The following SVOPL variants were observed in gnomAD, a reference collection of about 807,000 sequenced individuals.
SVOPL encodes the protein SVOP like, also known as putative transporter SVOPL.
In SVOPL, 60 loss-of-function variants were observed where a neutral mutation model predicts 61.0. The observed-to-expected ratio is 0.98, with a 90% CI of 0.80 to 1.22. The LOEUF (loss-of-function observed/expected upper bound fraction) is 1.22, where lower values mean the gene tolerates loss of function less well. SVOPL is among the 50% of genes most tolerant of loss of function. SVOPL has a pLI of 0.00. For synonymous variants in SVOPL, 279 were observed against 250.0 expected, an observed-to-expected ratio of 1.12 and a Z score of -1.09; for missense variants, 662 against 643.9, an observed-to-expected ratio of 1.03 and a Z score of -0.30.
intron 5 of SVOPL, 99 bp from the exon 6 acceptor site, chr7:138,660,087 T>G (rs1460555102): frequency 1.3e-6 from 2 of 1,503,942 alleles, no homozygotes; most frequent in African/African-American, 2.8e-5. Context: ...ATCCTGATAG[T>G]TGCTTCTCTG....
intron 2 of SVOPL, 109 bp from the exon 3 acceptor site, chr7:138,678,634 G>T: frequency 9.4e-7 from 1 of 1,068,490 alleles, no homozygotes; most frequent in South Asian, 1.6e-5. Context: ...AGTTAATACG[G>T]GGGGTCAGTG....
rs535784668 is a variant in SVOPL, at chr7:138,653,963, A to G, written c.534+2485T>C. ...AAAAAAAAAAAGAAAAGAAAAGAAA[A>G]GAAAAGAAAAAATACAAAAGTTAGC... On this transcript the variant is annotated intron_variant, in intron 7 of 15. Transcript: ENST00000674285. 7.3e-4 allele frequency among the ~76,000 whole-genome samples: 110 copies of G among 151,094 alleles called. 1 individual carries two copies. The highest frequency in any genetic ancestry group is 1.3e-3 in the Non-Finnish European group (86 of 67,682).
At chr7:138,608,265 A>T (rs1479673057) in intron 14 of SVOPL, among the ~76,000 whole-genome samples, 1 of 152,220 alleles carries the variant, frequency 6.6e-6, no homozygotes, top group Non-Finnish European at 1.5e-5. Context: ...TTACTAAGTG[A>T]TTCTGAAAAA....
chr7:138,641,356 T>C (rs1051421310), intron 9 of SVOPL, among the ~76,000 whole-genome samples: 3 of 151,606 alleles, frequency 2.0e-5, no homozygotes, highest in African/African-American at 7.3e-5. Context: ...CAAAAATCAA[T>C]CATATGCTAG....
intron 6 of SVOPL, 35 bp from the exon 7 acceptor site, chr7:138,656,546 T>C: frequency 1.9e-6 from 3 of 1,605,254 alleles, no homozygotes; most frequent in Non-Finnish European, 2.6e-6. Flanking sequence ...TAATTTTGTT[T>C]TAAAAAACTA....
chr7:138,616,152 A>G (rs1017976713), intron 14 of SVOPL, among the ~76,000 whole-genome samples: 8 of 152,168 alleles, frequency 5.3e-5, no homozygotes, highest in African/African-American at 1.9e-4. Context: ...ACTATGAGAA[A>G]TAAGTTTCTG....
At chr7:138,615,401 C>CA (rs1415585191) in intron 14 of SVOPL, among the ~76,000 whole-genome samples, 1 of 151,818 alleles carries the variant, frequency 6.6e-6, no homozygotes, top group Non-Finnish European at 1.5e-5. Context: ...ACTAAAAATA[C>CA]AAAAAATTAG....
Position 138,661,471 on chromosome 7 carries a change from G to A in SVOPL, c.346-1483C>T, listed in dbSNP as rs189814228. The A allele has an allele frequency of 3.8e-4, 372 of 981,562 alleles. 7 individuals are homozygous for A. The East Asian group carries it at 0.028, about 73-fold the overall frequency. The allele number at this position is 981,562 out of a possible 1,614,324, so 60.8% of individuals were successfully genotyped here. On this transcript the variant is annotated intron_variant, in intron 5 of 15. Coordinates refer to ENST00000674285, the MANE Select transcript of SVOPL (RefSeq NM_001139456.2). ...ATCAGGTCCAGAGACACAGGAGCAT[G>A]CGACTCCGGTCACATTCCCGCACCC...
intron 9 of SVOPL, among the ~76,000 whole-genome samples, chr7:138,644,197 C>CA (rs71179714): frequency 0.057 from 2,876 of 50,336 alleles, 409 homozygotes; most frequent in Admixed American, 0.093. Flanking sequence ...AAGACTCCAT[C>CA]AAAAAAAAAA....
chr7:138,691,913 T>G (rs296915), intron 1 of SVOPL, among the ~76,000 whole-genome samples: 79,544 of 151,474 alleles, frequency 0.53, 22,807 homozygotes, highest in African/African-American at 0.76. Context: ...TGCCTCCCAG[T>G]TTCCAGGGAT....
rs1802436506 is a variant in SVOPL, at chr7:138,672,126, A to G, written c.175-9T>C. On this transcript the variant is annotated splice_polypyrimidine_tract_variant and intron_variant, in intron 3 of 15. Coordinates refer to ENST00000674285, the MANE Select transcript of SVOPL (RefSeq NM_001139456.2). ...TCCATGGCCTCAACCACCTTAAAGAAGAGGGACACCATGCCATGTCTAAGT... is the reference window on the plus strand; with the variant it reads ...TCCATGGCCTCAACCACCTTAAAGAGGAGGGACACCATGCCATGTCTAAGT... 2.6e-5 allele frequency: 41 copies of G among 1,551,362 alleles called. No homozygotes were observed. The highest frequency in any genetic ancestry group is 3.4e-5 in the Non-Finnish European group (39 of 1,146,688).
intron 14 of SVOPL, among the ~76,000 whole-genome samples, chr7:138,611,918 G>T (rs1489677395): frequency 1.1e-4 from 2 of 18,114 alleles, no homozygotes; most frequent in African/African-American, 3.9e-4. Flanking sequence ...ATTGAGAACG[G>T]GCCAGGATGA....
chr7:138,694,876 T>C (rs1022466096), intron 1 of SVOPL, among the ~76,000 whole-genome samples: 3 of 151,950 alleles, frequency 2.0e-5, no homozygotes, highest in Non-Finnish European at 4.4e-5. Context: ...GTAGCTGGGA[T>C]TACAGGCATG....
rs1214190193 is a variant in SVOPL, at chr7:138,678,467, G to A, written c.141C>T (p.His47=). 3.2e-6 allele frequency: 5 copies of A among 1,551,962 alleles called. No homozygotes were observed. The South Asian group carries it at 3.6e-5, about 11-fold the overall frequency. Reference sequence around the variant, plus strand: ...TGCCCATGATCAGAAAGAGGGCAATGTGGAAACGCCCGAAGCCGATAGTCT... The same window carrying A: ...TGCCCATGATCAGAAAGAGGGCAATATGGAAACGCCCGAAGCCGATAGTCT... The part of the protein sequence containing the change: ...AVETIGFGRF[H]IALFLIMGST... The change falls in exon 3 of 16, where the codon CAC becomes CAT. Residue 47 remains histidine (H), a synonymous_variant. Coordinates refer to ENST00000674285, the MANE Select transcript of SVOPL (RefSeq NM_001139456.2).
At chr7:138,677,743 CT>C (rs34687538) in intron 3 of SVOPL, among the ~76,000 whole-genome samples, 20,147 of 134,650 alleles carry the variant, frequency 0.15, 2,742 homozygotes, top group African/African-American at 0.38. Context: ...TCTACACAAT[CT>C]TTTTTTTTTT....
intron 5 of SVOPL, chr7:138,660,213 A>G: frequency 2.3e-6 from 3 of 1,284,912 alleles, no homozygotes; most frequent in Non-Finnish European, 3.0e-6. Context: ...CTTTAAAACT[A>G]CCATGCTGTG....
At chr7:138,691,433 G>A (rs1338182078) in intron 1 of SVOPL, among the ~76,000 whole-genome samples, 4 of 152,166 alleles carry the variant, frequency 2.6e-5, no homozygotes, top group Admixed American at 1.3e-4. Flanking sequence ...ACATTTTAGA[G>A]GGGCACTAAA....
chr7:138,638,016 G>C (rs551455546), intron 9 of SVOPL, among the ~76,000 whole-genome samples: 1 of 152,026 alleles, frequency 6.6e-6, no homozygotes, highest in Non-Finnish European at 1.5e-5. Context: ...GCTCACACCT[G>C]TAATCTCAGC....
intron 5 of SVOPL, chr7:138,662,378 G>A: frequency 1.0e-6 from 1 of 985,376 alleles, no homozygotes; most frequent in Non-Finnish European, 1.2e-6. Flanking sequence ...GGTGCCTGAG[G>A]GTGAGTTTTC....
Sources: gnomAD v4.1 joint callset for allele counts (sites outside exome capture counted in the v4.1 genomes callset) on GRCh38, gnomAD v4.1.1 for gene constraint, MANE v1.5 for transcripts, NCBI Gene and HGNC (gene_info 2026-07-23, HGNC 2026-07-21) for gene names.